BARD1: variants seen among roughly 807,000 people sequenced by gnomAD.
BARD1 encodes BRCA1 associated RING domain 1, also known as BRCA1-associated RING domain protein 1.
In BARD1, 73 loss-of-function variants were observed where a neutral mutation model predicts 77.0. The ratio of observed to expected loss-of-function variants is 0.95; its 90% CI spans 0.79 to 1.15. The LOEUF (loss-of-function observed/expected upper bound fraction) is 1.15. Among genes scored for constraint, BARD1 ranks in the 50% most tolerant of loss-of-function variants. The pLI is 0.00. For missense variants in BARD1, 993 were observed against 938.8 expected (o/e 1.06, Z -0.75); for synonymous variants, 384 against 338.0 (o/e 1.14, Z -1.49).
intron 9 of BARD1, among the ~76,000 whole-genome samples, chr2:214,741,969 A>G (rs2106011961): frequency 6.6e-6 from 1 of 152,292 alleles, no homozygotes; most frequent in Middle Eastern, 3.4e-3. Context: ...AAATGTGTTG[A>G]TTATCTATAG....
chr2:214,807,585 G>C (rs1352465252), intron 1 of BARD1, among the ~76,000 whole-genome samples: 1 of 152,128 alleles, frequency 6.6e-6, no homozygotes, highest in African/African-American at 2.4e-5. Context: ...AGCTCCCTAA[G>C]AGATGGAATT....
intron 7 of BARD1, among the ~76,000 whole-genome samples, chr2:214,750,761 T>G (rs1363911407): frequency 2.6e-5 from 4 of 152,126 alleles, no homozygotes; most frequent in Non-Finnish European, 5.9e-5. Context: ...TCTTTTTCAG[T>G]TGGCCACTGT....
intron 7 of BARD1, among the ~76,000 whole-genome samples, chr2:214,749,393 T>C (rs780608289): frequency 3.9e-5 from 6 of 152,110 alleles, no homozygotes; most frequent in African/African-American, 7.2e-5. Flanking sequence ...GGACTTGATA[T>C]TATCTTTTCC....
chr2:214,736,441 AATTGT>A lies in BARD1; in HGVS notation c.1904-5938_1904-5934del, dbSNP rs531475618. Reference sequence around the variant, plus strand: ...CCAATGGTACTTACAGAGTATTCATAATTGTATCTTTAACTGCATATGGTGGCACA... The same window carrying A: ...CCAATGGTACTTACAGAGTATTCATAATCTTTAACTGCATATGGTGGCACA... On this transcript the variant is annotated intron_variant, in intron 9 of 10. Transcript: ENST00000260947. Among the ~76,000 whole-genome samples, 31 of 152,218 alleles carry A rather than the reference AATTGT, an allele frequency of 2.0e-4. No homozygotes were observed. In the South Asian group the frequency reaches 5.6e-3, roughly 27 times the overall value.
At chr2:214,781,537 G>A in intron 3 of BARD1, 28 bp from the exon 4 acceptor site, 1 of 1,583,576 alleles carries the variant, frequency 6.3e-7, no homozygotes. Context: ...AAAGAAATCT[G>A]TTACATGAAA....
chr2:214,804,845 C>A (rs1696194344), intron 1 of BARD1, among the ~76,000 whole-genome samples: 1 of 152,194 alleles, frequency 6.6e-6, no homozygotes, highest in Admixed American at 6.5e-5. Context: ...CAGCTCCCTG[C>A]AACCTGGCTC....
chr2:214,749,730 A>G (rs1693313624), intron 7 of BARD1, among the ~76,000 whole-genome samples: 1 of 152,112 alleles, frequency 6.6e-6, no homozygotes, highest in African/African-American at 2.4e-5. Context: ...TACCGACCTA[A>G]GTTTTAAGAA....
chr2:214,738,575 G>A (rs1692668145), intron 9 of BARD1, among the ~76,000 whole-genome samples: 1 of 151,938 alleles, frequency 6.6e-6, no homozygotes, highest in African/African-American at 2.4e-5. Flanking sequence ...TTAGCTGCAT[G>A]GACCACTGAT....
At chr2:214,738,479 G>C (rs535864244) in intron 9 of BARD1, among the ~76,000 whole-genome samples, 108 of 152,048 alleles carry the variant, frequency 7.1e-4, no homozygotes, top group African/African-American at 2.4e-3. Flanking sequence ...CTGTACAGAA[G>C]GTATTTTTTT....
At chr2:214,734,318 T>C (rs1014949719) in intron 9 of BARD1, among the ~76,000 whole-genome samples, 1 of 152,070 alleles carries the variant, frequency 6.6e-6, no homozygotes, top group East Asian at 1.9e-4. Flanking sequence ...ATCACAATAT[T>C]AAATATGGAA....
chr2:214,807,112 A>G (rs148183199), intron 1 of BARD1, among the ~76,000 whole-genome samples: 322 of 152,280 alleles, frequency 2.1e-3, no homozygotes, highest in Non-Finnish European at 3.7e-3. Context: ...AGAAAGGCCT[A>G]AAATATTAAT....
intron 4 of BARD1, among the ~76,000 whole-genome samples, chr2:214,779,737 G>A (rs985824343): frequency 7.9e-5 from 12 of 152,166 alleles, no homozygotes; most frequent in South Asian, 2.1e-4. Context: ...GAAGACCAAA[G>A]GATTTCCTGG....
chr2:214,781,217 A>T lies in BARD1; in HGVS notation c.657T>A (p.Asn219Lys), dbSNP rs2106111146. The T allele has an allele frequency of 6.3e-7, 1 of 1,593,842 alleles. No individual in the cohort carries two copies. Among genetic ancestry groups the T allele is most frequent in the South Asian group, 1.2e-5 (1 of 85,688 alleles). Residue 219 changes from asparagine to lysine, a missense_variant, in exon 4 of 11, where the codon AAT (asparagine) becomes AAA (lysine). Physicochemically the swap from Asn to Lys is moderately conservative, Grantham distance 94. Coordinates refer to ENST00000260947, the MANE Select transcript of BARD1 (RefSeq NM_000465.4). ...KTLAEINQKWNLEAEKEDGEF... is the reference protein window; with the variant it reads ...KTLAEINQKWKLEAEKEDGEF... ...CACCATCTTCTTTTTCTGCCTCTAA[A>T]TTCCATTTTTGGTTGATTTCAGCTA...
Position 214,780,567 on chromosome 2 carries a change from G to C in BARD1, c.1307C>G (p.Ser436Cys), listed in dbSNP as rs752234478. ...TCAGAGTAAGCATCCTACCTTAATA[G>C]AAGCAATATGGAGCAAAGTCTCTCC... ...HRGETLLHIA[S>C]IKGDIPSVEY... is the part of the protein sequence containing the mutation. The change falls in exon 4 of 11, where the codon TCT (serine) becomes TGT (cysteine). Residue 436 changes from serine (S) to cysteine (C), a missense_variant. Physicochemically the swap from Ser to Cys is moderately radical, Grantham distance 112. Transcript: ENST00000260947. The C allele has an allele frequency of 3.1e-6, 5 of 1,613,450 alleles. No homozygotes were observed. The highest frequency in any genetic ancestry group is 2.5e-6 in the Non-Finnish European group (3 of 1,179,534).
intron 9 of BARD1, among the ~76,000 whole-genome samples, chr2:214,737,180 T>C (rs1228990114): frequency 6.6e-6 from 1 of 152,064 alleles, no homozygotes; most frequent in Non-Finnish European, 1.5e-5. Context: ...TGTGAGGTGG[T>C]AGGAAGCTAT....
At position 214,767,655 on chromosome 2, in the gene BARD1, C is replaced by A; in HGVS notation, c.1396-1G>T. 1 of 1,613,460 alleles carries A rather than the reference C, an allele frequency of 6.2e-7. No individual in the cohort carries two copies. Among genetic ancestry groups the A allele is most frequent in the Non-Finnish European group, 8.5e-7 (1 of 1,179,750 alleles). On this transcript the variant is annotated splice_acceptor_variant, in intron 5 of 10. Transcript: ENST00000260947. LOFTEE classifies it high-confidence loss of function. ...GGTGCCCATGATTGCAAGCTTCATG[C>A]TAATTAAATTTTTTGAAAAAGAAGT...
At chr2:214,769,668 G>A (rs1694386359) in intron 4 of BARD1, among the ~76,000 whole-genome samples, 1 of 152,140 alleles carries the variant, frequency 6.6e-6, no homozygotes, top group Admixed American at 6.5e-5. Context: ...TTGAGCCCAG[G>A]AGGCAGAGGT....
At chr2:214,756,031 T>C (rs913300564) in intron 6 of BARD1, among the ~76,000 whole-genome samples, 1 of 152,190 alleles carries the variant, frequency 6.6e-6, no homozygotes, top group African/African-American at 2.4e-5. Flanking sequence ...TTCAGTGAAT[T>C]GAAAATGATT....
At chr2:214,782,848 G>GA (rs555953673) in intron 3 of BARD1, among the ~76,000 whole-genome samples, 14 of 152,266 alleles carry the variant, frequency 9.2e-5, no homozygotes, top group Non-Finnish European at 1.9e-4. Flanking sequence ...ACTTTGGAAA[G>GA]AAAAGAGTAG....
Sources: gnomAD v4.1 joint callset for allele counts (sites outside exome capture counted in the v4.1 genomes callset) on GRCh38, gnomAD v4.1.1 for gene constraint, MANE v1.5 for transcripts, NCBI Gene and HGNC (gene_info 2026-07-23, HGNC 2026-07-21) for gene names.